Variants in PLXNA4 observed in about 807,000 individuals in gnomAD.
The protein encoded by PLXNA4 is plexin A4, also known as plexin-A4.
Under a neutral mutation model 191.8 loss-of-function variants are expected in PLXNA4, and 44 were observed. The observed-to-expected ratio is 0.23, with a 90% confidence interval of 0.18 to 0.29. PLXNA4 has a LOEUF of 0.29. Among genes scored for constraint, PLXNA4 ranks in the 10% least tolerant of loss-of-function variants. The pLI, the probability that PLXNA4 is intolerant of heterozygous loss-of-function variation, is 1.00. For synonymous variants in PLXNA4, 1,082 were observed against 1,009.5 expected, an observed-to-expected ratio of 1.07 and a Z score of -1.36; for missense variants, 1,800 against 2,488.8, an observed-to-expected ratio of 0.72 and a Z score of 5.89.
intron 2 of PLXNA4, among the ~76,000 whole-genome samples, chr7:132,609,046 C>T (rs1329147028): frequency 2.0e-5 from 3 of 152,170 alleles, no homozygotes; most frequent in African/African-American, 7.2e-5. Flanking sequence ...TGCTGAAATG[C>T]CCCTCATCCC....
chr7:132,382,632 CAG>C (rs544742272), intron 3 of PLXNA4, among the ~76,000 whole-genome samples: 7 of 152,292 alleles, frequency 4.6e-5, no homozygotes, highest in East Asian at 1.9e-4. Context: ...TCGTTAATAA[CAG>C]AGAGTACTGG....
chr7:132,463,510 A>G (rs1480540478), intron 3 of PLXNA4, among the ~76,000 whole-genome samples: 3 of 152,228 alleles, frequency 2.0e-5, no homozygotes, highest in Non-Finnish European at 4.4e-5. Context: ...AATTGATGCC[A>G]GAGAGGATAA....
chr7:132,445,449 C>T (rs1795869936), intron 3 of PLXNA4, among the ~76,000 whole-genome samples: 1 of 151,318 alleles, frequency 6.6e-6, no homozygotes, highest in Non-Finnish European at 1.5e-5. Context: ...TGGGTCTTCC[C>T]CCTGAAAGCA....
In PLXNA4 at chr7:132,254,315, G is replaced by T. The variant is rs1364508; in HGVS notation, c.1504-13149C>A. On this transcript the variant is annotated intron_variant, in intron 4 of 31. Coordinates refer to ENST00000321063, the MANE Select transcript of PLXNA4 (RefSeq NM_020911.2). ...AAAGGAAATTGTCGCAACTTCTAAT[G>T]ATGAATTATGAAACCACTAGAGTTT... Among the ~76,000 whole-genome samples, 718 of 152,176 alleles carry T rather than the reference G, an allele frequency of 4.7e-3. 5 individuals are homozygous for T. The highest frequency in any genetic ancestry group is 0.017 in the African/African-American group (691 of 41,540).
At chr7:132,483,558 G>A (rs1382879930) in intron 3 of PLXNA4, among the ~76,000 whole-genome samples, 3 of 152,172 alleles carry the variant, frequency 2.0e-5, no homozygotes, top group East Asian at 1.9e-4. Context: ...CCTCTAGTGC[G>A]TCTGACATTT....
chr7:132,240,342 C>T (rs1340061265), intron 5 of PLXNA4, among the ~76,000 whole-genome samples: 3 of 152,206 alleles, frequency 2.0e-5, no homozygotes, highest in Admixed American at 6.5e-5. Flanking sequence ...TATTCCTGCC[C>T]TTTGGTTTAT....
At chr7:132,164,986 C>T (rs1277622256) in intron 23 of PLXNA4, 148 bp downstream of exon 23, 1 of 1,234,982 alleles carries the variant, frequency 8.1e-7, no homozygotes, top group East Asian at 2.7e-5. Flanking sequence ...TCTTCCTAGA[C>T]AGTCCATGAT....
chr7:132,411,336 C>T (rs1212824929), intron 3 of PLXNA4, among the ~76,000 whole-genome samples: 2 of 152,126 alleles, frequency 1.3e-5, no homozygotes, highest in Non-Finnish European at 1.5e-5. Flanking sequence ...GCCACCTGTT[C>T]GGGCTTCACC....
At chr7:132,456,499 G>T (rs1796322130) in intron 3 of PLXNA4, among the ~76,000 whole-genome samples, 1 of 152,156 alleles carries the variant, frequency 6.6e-6, no homozygotes, top group Non-Finnish European at 1.5e-5. Flanking sequence ...ACAGAACTAA[G>T]CCAAAACAAC....
chr7:132,165,988 A>G (rs2116655324), intron 22 of PLXNA4, among the ~76,000 whole-genome samples: 1 of 152,264 alleles, frequency 6.6e-6, no homozygotes, highest in East Asian at 1.9e-4. Flanking sequence ...CATGAGGTCA[A>G]CAGATCAAGA....
intron 2 of PLXNA4, among the ~76,000 whole-genome samples, chr7:132,494,135 G>A (rs1797911795): frequency 6.6e-6 from 1 of 152,132 alleles, no homozygotes; most frequent in Non-Finnish European, 1.5e-5. Flanking sequence ...GAAATTCATG[G>A]TATCTATCTC....
chr7:132,297,943 C>CATAACTGAAAAGT, intron 4 of PLXNA4, 148 bp downstream of exon 4: 1 of 972,702 alleles, frequency 1.0e-6, no homozygotes, highest in Non-Finnish European at 1.5e-6. Context: ...CCCCAGGCAG[C>CATAACTGAAAAGT]ATAACTGAAA....
intron 2 of PLXNA4, among the ~76,000 whole-genome samples, chr7:132,615,611 T>C (rs534684321): frequency 6.6e-6 from 1 of 152,266 alleles, no homozygotes; most frequent in East Asian, 1.9e-4. Context: ...CCTTATACCT[T>C]ATTCCCTGCT....
intron 3 of PLXNA4, among the ~76,000 whole-genome samples, chr7:132,474,068 A>C (rs1488318569): frequency 2.2e-5 from 3 of 138,610 alleles, no homozygotes; most frequent in Non-Finnish European, 4.7e-5. Context: ...AAAACAAAAC[A>C]AAAAAAAACA....
chr7:132,564,764 A>C (rs745999035), intron 1 of PLXNA4, among the ~76,000 whole-genome samples: 4 of 152,174 alleles, frequency 2.6e-5, no homozygotes, highest in Non-Finnish European at 5.9e-5. Flanking sequence ...GCTTGGTGAA[A>C]TGTAGGCATC....
chr7:132,380,472 G>A (rs1233886698), intron 3 of PLXNA4, among the ~76,000 whole-genome samples: 3 of 152,280 alleles, frequency 2.0e-5, no homozygotes, highest in Middle Eastern at 3.4e-3. Flanking sequence ...CCAAGGCACC[G>A]AGGGAGAAGA....
chr7:132,441,603 A>C (rs277493), intron 3 of PLXNA4, among the ~76,000 whole-genome samples: 3,335 of 152,328 alleles, frequency 0.022, 118 homozygotes, highest in African/African-American at 0.077. Context: ...CACTAAGCTC[A>C]GTGTTTTTAG....
chr7:132,260,600 C>T (rs1189496209), intron 4 of PLXNA4, among the ~76,000 whole-genome samples: 4 of 151,500 alleles, frequency 2.6e-5, no homozygotes, highest in African/African-American at 9.7e-5. Context: ...ATCATTTGTA[C>T]ACCAAACTTC....
rs1802296008 is a variant in PLXNA4 at position 132,324,727 on chromosome 7, A to G, written c.1372-26505T>C. On this transcript the variant is annotated intron_variant, in intron 3 of 31. Coordinates refer to ENST00000321063, the MANE Select transcript of PLXNA4 (RefSeq NM_020911.2). ...TTTAAAGTAATTTTGCAGATTAAAC[A>G]TCCTTTCCCTAGGGTGAATGGGAGC... Among the ~76,000 whole-genome samples, 3 of 152,232 alleles carry G rather than the reference A, an allele frequency of 2.0e-5. No homozygotes were observed. The South Asian group carries it at 6.2e-4, about 32-fold the overall frequency.
Sources: gnomAD v4.1 joint callset for allele counts (sites outside exome capture counted in the v4.1 genomes callset) on GRCh38, gnomAD v4.1.1 for gene constraint, MANE v1.5 for transcripts, NCBI Gene and HGNC (gene_info 2026-07-23, HGNC 2026-07-21) for gene names.